The following CDK6 variants were observed in gnomAD, a reference collection of about 807,000 sequenced individuals.
The protein encoded by CDK6 is cyclin-dependent kinase 6.
A neutral mutation model predicts 37.1 loss-of-function variants in CDK6; 6 were observed. That is an observed-to-expected ratio of 0.16 (90% CI 0.09 to 0.32). CDK6 has a LOEUF of 0.32. Among genes scored for constraint, CDK6 ranks in the 10% least tolerant of loss-of-function variants. CDK6 has a pLI of 1.00. For synonymous variants in CDK6, 160 were observed against 161.3 expected (o/e 0.99, Z 0.06); for missense variants, 224 against 418.9 (o/e 0.53, Z 4.06).
rs543640833 is a variant in CDK6 at position 92,783,108 on chromosome 7, A to G, written c.234-8277T>C. Reference sequence around the variant, plus strand: ...TCTCAGACCCTACTTGAGGTTCCTGATCTGACCATAGAGACACTGGATGGA... The same window carrying G: ...TCTCAGACCCTACTTGAGGTTCCTGGTCTGACCATAGAGACACTGGATGGA... On this transcript the variant is annotated intron_variant, in intron 2 of 7. Transcript: ENST00000424848. Among the ~76,000 whole-genome samples the G allele has an allele frequency of 1.5e-3, 231 of 152,334 alleles. 2 individuals are homozygous for G. The highest frequency in any genetic ancestry group is 5.1e-3 in the African/African-American group (212 of 41,572).
At chr7:92,668,980 T>A (rs1419630639) in intron 5 of CDK6, among the ~76,000 whole-genome samples, 1 of 152,226 alleles carries the variant, frequency 6.6e-6, no homozygotes, top group Non-Finnish European at 1.5e-5. Flanking sequence ...AAAGGGTACT[T>A]TCTTATGTGC....
intron 4 of CDK6, among the ~76,000 whole-genome samples, chr7:92,705,513 A>G (rs1453687381): frequency 1.3e-5 from 2 of 152,202 alleles, no homozygotes; most frequent in Non-Finnish European, 2.9e-5. Flanking sequence ...ACCTAAGTAG[A>G]GAGTGAAAGG....
chr7:92,620,184 C>G (rs1437851112), intron 6 of CDK6, among the ~76,000 whole-genome samples: 1 of 152,068 alleles, frequency 6.6e-6, no homozygotes, highest in Non-Finnish European at 1.5e-5. Context: ...CAACTGAATG[C>G]CAAAAGCCTT....
intron 2 of CDK6, among the ~76,000 whole-genome samples, chr7:92,795,875 T>A (rs1800395511): frequency 1.3e-5 from 2 of 152,150 alleles, no homozygotes; most frequent in Non-Finnish European, 2.9e-5. Context: ...ATTAAGTACA[T>A]CTCTGTTAAT....
intron 3 of CDK6, among the ~76,000 whole-genome samples, chr7:92,758,005 C>A: frequency 6.6e-6 from 1 of 151,912 alleles, no homozygotes; most frequent in South Asian, 2.1e-4. Context: ...ATTTTTTTAT[C>A]TTGTAAATTT....
chr7:92,608,883 A>T lies in CDK6; in HGVS notation c.*6257T>A. ...CTCTCTCCTGCCAAAGGGGCGGGGC[A>T]ACGAGGCAGCGCGCCCGGAAGGCTT... On this transcript the variant is annotated 3_prime_UTR_variant, in exon 8 of 8. Transcript: ENST00000424848. The T allele has an allele frequency of 4.3e-6, 1 of 232,322 alleles. No individual in the cohort carries two copies. Among genetic ancestry groups the T allele is most frequent in the Non-Finnish European group, 8.5e-6 (1 of 117,458 alleles). 14.4% of individuals were successfully genotyped at this position (232,322 alleles called of 1,614,324 possible). A position where few individuals can be genotyped will look rare whatever the true frequency, so the allele number is the denominator to read the frequency against.
chr7:92,762,978 T>C lies in CDK6; in HGVS notation c.369+11718A>G, dbSNP rs139012875. On this transcript the variant is annotated intron_variant, in intron 3 of 7. Coordinates refer to ENST00000424848, the MANE Select transcript of CDK6 (RefSeq NM_001145306.2). The stretch of plus-strand genomic sequence containing the variant: ...CAGTTCCTAAACATTATTTTATGCC[T>C]TGCAGTCCCCAATCTTTGCTACATT... 5.2e-3 allele frequency among the ~76,000 whole-genome samples: 787 copies of C among 152,354 alleles called. 7 individuals are homozygous for C. Among genetic ancestry groups the C allele is most frequent in the African/African-American group, 0.018 (732 of 41,586 alleles).
At chr7:92,810,385 CA>C (rs934332848) in intron 2 of CDK6, among the ~76,000 whole-genome samples, 3 of 152,178 alleles carry the variant, frequency 2.0e-5, no homozygotes, top group East Asian at 1.9e-4. Context: ...ACCCTGGAGT[CA>C]AAAGGCTTGT....
chr7:92,808,526 C>T (rs1800784903), intron 2 of CDK6, among the ~76,000 whole-genome samples: 2 of 152,206 alleles, frequency 1.3e-5, no homozygotes, highest in African/African-American at 2.4e-5. Context: ...ATTAATTGGA[C>T]AGGTATTCTG....
At position 92,611,626 on chromosome 7, in the gene CDK6, T is replaced by C; in HGVS notation, c.*3514A>G. On this transcript the variant is annotated 3_prime_UTR_variant, in exon 8 of 8. Transcript: ENST00000424848. The stretch of plus-strand genomic sequence containing the variant: ...CTCACTTTAAATACATAATTTAAAG[T>C]TCAAAATGTTTGGTACTATTTAAGA... 4.4e-6 allele frequency: 1 copy of C among 228,806 alleles called. No homozygotes were observed. The highest frequency in any genetic ancestry group is 8.7e-6 in the Non-Finnish European group (1 of 115,350). 14.2% of individuals were successfully genotyped at this position (228,806 alleles called of 1,614,324 possible).
intron 4 of CDK6, among the ~76,000 whole-genome samples, chr7:92,673,129 C>A (rs1797127653): frequency 6.6e-6 from 1 of 152,158 alleles, no homozygotes; most frequent in African/African-American, 2.4e-5. Context: ...TGGTTGACAG[C>A]CCCAGTTGAG....
chr7:92,808,297 A>G (rs554587272), intron 2 of CDK6, among the ~76,000 whole-genome samples: 1 of 152,220 alleles, frequency 6.6e-6, no homozygotes. Context: ...TATGCTCCCA[A>G]TTCTCAGATT....
intron 3 of CDK6, among the ~76,000 whole-genome samples, chr7:92,731,425 G>C (rs991855991): frequency 1.4e-4 from 21 of 152,180 alleles, no homozygotes; most frequent in Admixed American, 1.3e-4. Flanking sequence ...CAAGCTAAAA[G>C]AGTCACACAT....
chr7:92,654,561 C>T lies in CDK6; in HGVS notation c.647+16865G>A, dbSNP rs77851863. Among the ~76,000 whole-genome samples, 858 of 152,216 alleles carry T rather than the reference C, an allele frequency of 5.6e-3. 7 individuals carry two copies. Among genetic ancestry groups the T allele is most frequent in the African/African-American group, 0.02 (825 of 41,530 alleles). On this transcript the variant is annotated intron_variant, in intron 5 of 7. Coordinates refer to ENST00000424848, the MANE Select transcript of CDK6 (RefSeq NM_001145306.2). ...ACTCTTATGTCTCTGTCCCCACTTA[C>T]TAAATATCCCATTCTTCTCACCTCC...
intron 5 of CDK6, among the ~76,000 whole-genome samples, chr7:92,632,933 CTTTTTTTTTTT>C (rs397889657): frequency 1.4e-4 from 15 of 108,898 alleles, no homozygotes; most frequent in African/African-American, 4.4e-4. Flanking sequence ...CTCTAAAGAT[CTTTTTTTTTTT>C]TTTTTTTTTT....
chr7:92,644,537 CCTAGTGACTA>C (rs1796396379), intron 5 of CDK6, among the ~76,000 whole-genome samples: 1 of 152,090 alleles, frequency 6.6e-6, no homozygotes, highest in Non-Finnish European at 1.5e-5. Context: ...AATAATTAAC[CCTAGTGACTA>C]ACCTAGTCTC....
chr7:92,767,134 T>G (rs1457681052), intron 3 of CDK6, among the ~76,000 whole-genome samples: 1 of 152,216 alleles, frequency 6.6e-6, no homozygotes, highest in Non-Finnish European at 1.5e-5. Context: ...TTTATAGGAT[T>G]GGAGATTTTA....
chr7:92,707,727 C>A (rs1394765569), intron 4 of CDK6, among the ~76,000 whole-genome samples: 1 of 152,232 alleles, frequency 6.6e-6, no homozygotes, highest in East Asian at 1.9e-4. Context: ...CTCTTTCTCT[C>A]TCACAAGATA....
At chr7:92,737,841 G>A (rs1373784874) in intron 3 of CDK6, among the ~76,000 whole-genome samples, 1 of 152,034 alleles carries the variant, frequency 6.6e-6, no homozygotes, top group South Asian at 2.1e-4. Flanking sequence ...TCTTTACAAG[G>A]GTTTTTATTA....
Sources: allele counts gnomAD v4.1 joint callset (sites outside exome capture counted in the v4.1 genomes callset), GRCh38; gene constraint gnomAD v4.1.1; transcripts MANE v1.5; gene names NCBI Gene and HGNC (gene_info 2026-07-23, HGNC 2026-07-21).